The following THRB variants were observed in gnomAD, a reference collection of about 807,000 sequenced individuals.
The protein encoded by THRB is nuclear receptor subfamily 1 group A member 2.
In THRB, 12 loss-of-function variants were observed where a neutral mutation model predicts 47.8. That is an observed-to-expected ratio of 0.25 (90% CI 0.16 to 0.41). The LOEUF (loss-of-function observed/expected upper bound fraction) is 0.41, where lower values mean the gene tolerates loss of function less well. THRB is among the 10% of genes least tolerant of loss of function. The probability of loss-of-function intolerance (pLI) is 1.00; values close to 1 mark genes in which losing one functional copy is unlikely to be tolerated. For missense variants in THRB, 348 were observed against 589.2 expected, an observed-to-expected ratio of 0.59 and a Z score of 4.24; for synonymous variants, 218 against 212.2, an observed-to-expected ratio of 1.03 and a Z score of -0.24.
chr3:24,215,619 G>C (rs1418833549), intron 4 of THRB, among the ~76,000 whole-genome samples: 1 of 152,130 alleles, frequency 6.6e-6, no homozygotes, highest in Non-Finnish European at 1.5e-5. Flanking sequence ...ACGTTATTAG[G>C]CATTTGTATA....
At position 24,127,491 on chromosome 3, in the gene THRB, G is replaced by A. The variant is rs370206640; in HGVS notation, c.1144+8C>T. 1.1e-5 allele frequency: 18 copies of A among 1,613,988 alleles called. No homozygotes were observed. The highest frequency in any genetic ancestry group is 2.2e-5 in the East Asian group (1 of 44,898). ...TGGATGCCCACTAACGAGTCTAGGC[G>A]TACTCACCTGAAGACATCAGCAGGA... On this transcript the variant is annotated splice_region_variant and intron_variant, in intron 10 of 10. Coordinates refer to ENST00000646209, the MANE Select transcript of THRB (RefSeq NM_001354712.2).
At chr3:24,235,970 C>A (rs2048821320) in intron 3 of THRB, among the ~76,000 whole-genome samples, 1 of 152,166 alleles carries the variant, frequency 6.6e-6, no homozygotes, top group Admixed American at 6.5e-5. Context: ...CCTCACCCCA[C>A]CCTGTCCCCA....
intron 1 of THRB, among the ~76,000 whole-genome samples, chr3:24,374,549 A>G (rs2065143977): frequency 6.6e-6 from 1 of 152,138 alleles, no homozygotes; most frequent in South Asian, 2.1e-4. Context: ...TGATACTATT[A>G]TTTAAAATGC....
At position 24,426,788 on chromosome 3, in the gene THRB, T is replaced by G. The variant is rs529262280; in HGVS notation, c.-261+67864A>C. Among the ~76,000 whole-genome samples, 4 of 152,042 alleles carry G rather than the reference T, an allele frequency of 2.6e-5. No homozygotes were observed. In the South Asian group the frequency reaches 8.3e-4, roughly 32 times the overall value. ...GATAATTAAAAGAATCTCTCAGCAT[T>G]TTGGTCATTTTATCAGATGAAACTC... is the stretch of plus-strand genomic sequence containing the variant. On this transcript the variant is annotated intron_variant, in intron 1 of 10. Transcript: ENST00000646209.
chr3:24,424,187 G>A (rs1401814780), intron 1 of THRB, among the ~76,000 whole-genome samples: 12 of 151,660 alleles, frequency 7.9e-5, no homozygotes, highest in South Asian at 2.1e-4. Flanking sequence ...ATTCCCGCCC[G>A]TCTACCCACC....
chr3:24,284,035 C>T (rs1191125469), intron 3 of THRB, among the ~76,000 whole-genome samples: 5 of 128,864 alleles, frequency 3.9e-5, no homozygotes, highest in Admixed American at 2.3e-4. Context: ...AATGCCATCC[C>T]CACCAAGCTA....
At chr3:24,358,076 G>A (rs1481421539) in intron 1 of THRB, among the ~76,000 whole-genome samples, 1 of 152,132 alleles carries the variant, frequency 6.6e-6, no homozygotes, top group Non-Finnish European at 1.5e-5. Flanking sequence ...ACAGTGACTG[G>A]TTCCTGGTAG....
At chr3:24,380,615 T>C (rs1368737281) in intron 1 of THRB, among the ~76,000 whole-genome samples, 1 of 152,198 alleles carries the variant, frequency 6.6e-6, no homozygotes, top group African/African-American at 2.4e-5. Context: ...TTCTATTCTT[T>C]ACTTTTGTCT....
chr3:24,282,140 C>G (rs1576524843), intron 3 of THRB, among the ~76,000 whole-genome samples: 1 of 94,618 alleles, frequency 1.1e-5, no homozygotes, highest in Non-Finnish European at 2.0e-5. Flanking sequence ...ACATTTTTTT[C>G]AGCACCACAC....
intron 4 of THRB, among the ~76,000 whole-genome samples, chr3:24,207,564 A>G (rs1313560477): frequency 2.0e-5 from 3 of 152,136 alleles, no homozygotes; most frequent in Admixed American, 2.0e-4. Flanking sequence ...CTTCAGACTG[A>G]GCTCCAAGAA....
intron 1 of THRB, among the ~76,000 whole-genome samples, chr3:24,418,693 G>T (rs1365209804): frequency 6.6e-6 from 1 of 151,928 alleles, no homozygotes; most frequent in Non-Finnish European, 1.5e-5. Context: ...CCAGGAATCT[G>T]TAGTTTAACA....
At chr3:24,227,342 CAG>C (rs1354943718) in intron 4 of THRB, among the ~76,000 whole-genome samples, 1 of 152,194 alleles carries the variant, frequency 6.6e-6, no homozygotes, top group African/African-American at 2.4e-5. Flanking sequence ...TTCATCCCAA[CAG>C]AAACATTGAG....
intron 1 of THRB, among the ~76,000 whole-genome samples, chr3:24,340,568 T>C (rs893442595): frequency 3.3e-5 from 5 of 152,164 alleles, no homozygotes; most frequent in East Asian, 3.9e-4. Flanking sequence ...ATCACACTTA[T>C]TGAAGGCCAG....
intron 1 of THRB, among the ~76,000 whole-genome samples, chr3:24,428,401 T>C (rs1009270473): frequency 1.3e-5 from 2 of 152,034 alleles, no homozygotes; most frequent in African/African-American, 4.8e-5. Flanking sequence ...AGAGCTCATA[T>C]GTATTTCCAT....
intron 2 of THRB, among the ~76,000 whole-genome samples, chr3:24,314,409 C>T (rs1432288964): frequency 6.6e-6 from 1 of 152,168 alleles, no homozygotes; most frequent in African/African-American, 2.4e-5. Flanking sequence ...TTGGTCCTAC[C>T]ATCTAAAACA....
intron 3 of THRB, among the ~76,000 whole-genome samples, chr3:24,230,368 A>G (rs1314778895): frequency 6.6e-6 from 1 of 152,248 alleles, no homozygotes; most frequent in African/African-American, 2.4e-5. Flanking sequence ...GGTACTCAAC[A>G]ATATATGTTG....
chr3:24,188,268 T>A (rs1290354976), intron 5 of THRB, among the ~76,000 whole-genome samples: 1 of 152,234 alleles, frequency 6.6e-6, no homozygotes, highest in Non-Finnish European at 1.5e-5. Flanking sequence ...TAATGACAGT[T>A]GCTATTCAGA....
intron 1 of THRB, among the ~76,000 whole-genome samples, chr3:24,343,129 A>C (rs537914469): frequency 6.6e-6 from 1 of 152,348 alleles, no homozygotes; most frequent in South Asian, 2.1e-4. Context: ...CAATTAGAGA[A>C]TGGCAAACCA....
intron 1 of THRB, among the ~76,000 whole-genome samples, chr3:24,379,429 C>T (rs934981226): frequency 6.6e-6 from 1 of 152,046 alleles, no homozygotes; most frequent in African/African-American, 2.4e-5. Flanking sequence ...GAAAAGGACC[C>T]ATGTCTCAAG....
Sources: gnomAD v4.1 joint callset for allele counts (sites outside exome capture counted in the v4.1 genomes callset) on GRCh38, gnomAD v4.1.1 for gene constraint, MANE v1.5 for transcripts, NCBI Gene and HGNC (gene_info 2026-07-23, HGNC 2026-07-21) for gene names.